WAPL: variants seen among roughly 807,000 people sequenced by gnomAD.
The protein encoded by WAPL is WAPL cohesin release factor.
WAPL carries 5 observed loss-of-function variants against 121.0 expected under a neutral mutation model. The ratio of observed to expected loss-of-function variants is 0.04; its 90% confidence interval spans 0.02 to 0.09. WAPL has a LOEUF of 0.09. Among genes scored for constraint, WAPL ranks in the 10% least tolerant of loss-of-function variants. WAPL has a pLI of 1.00. For synonymous variants in WAPL, 480 were observed against 481.5 expected, an observed-to-expected ratio of 1.00 and a Z score of 0.04; for missense variants, 999 against 1,410.8, an observed-to-expected ratio of 0.71 and a Z score of 4.68.
At chr10:86,459,629 C>T (rs923641918) in intron 11 of WAPL, among the ~76,000 whole-genome samples, 3 of 152,200 alleles carry the variant, frequency 2.0e-5, no homozygotes, top group Non-Finnish European at 4.4e-5. Flanking sequence ...AAAATATACT[C>T]GCTGCAGTTC....
At chr10:86,460,137 A>C (rs1179097200) in intron 11 of WAPL, among the ~76,000 whole-genome samples, 1 of 152,168 alleles carries the variant, frequency 6.6e-6, no homozygotes, top group Non-Finnish European at 1.5e-5. Flanking sequence ...AAAATAATAA[A>C]ATCTTTAAAA....
At chr10:86,501,378 T>A (rs1175780533) in intron 2 of WAPL, among the ~76,000 whole-genome samples, 1 of 152,256 alleles carries the variant, frequency 6.6e-6, no homozygotes, top group Non-Finnish European at 1.5e-5. Context: ...GCCTGCCTAT[T>A]CATCTGGTAT....
chr10:86,438,147 C>T (rs1849371034), intron 17 of WAPL, 132 bp from the exon 18 acceptor site: 1 of 587,562 alleles, frequency 1.7e-6, no homozygotes, highest in South Asian at 2.7e-5. Flanking sequence ...GTTATTTATT[C>T]TCTTTCCACA....
At chr10:86,452,605 C>CAA (rs1167144232) in intron 14 of WAPL, among the ~76,000 whole-genome samples, 1 of 151,238 alleles carries the variant, frequency 6.6e-6, no homozygotes, top group Non-Finnish European at 1.5e-5. Context: ...CAAAAACAAA[C>CAA]AAAAAAAGAA....
chr10:86,503,145 G>A (rs565563383), intron 2 of WAPL, among the ~76,000 whole-genome samples: 16 of 152,126 alleles, frequency 1.1e-4, no homozygotes, highest in South Asian at 2.1e-4. Flanking sequence ...GCAAAAGAGC[G>A]AGACTCTGTT....
chr10:86,438,576 A>G (rs1220259148), intron 17 of WAPL, among the ~76,000 whole-genome samples: 2 of 152,258 alleles, frequency 1.3e-5, no homozygotes, highest in African/African-American at 4.8e-5. Context: ...GCAAAGAAAA[A>G]GGCCTGAAAT....
intron 14 of WAPL, among the ~76,000 whole-genome samples, 175 bp downstream of exon 14, chr10:86,453,045 A>G (rs1841032059): frequency 3.6e-5 from 3 of 82,246 alleles, no homozygotes; most frequent in East Asian, 3.2e-4. Flanking sequence ...AAAAAAAAAA[A>G]AAAAAAAAAA....
intron 4 of WAPL, among the ~76,000 whole-genome samples, chr10:86,493,919 C>G (rs989279984): frequency 1.1e-4 from 16 of 152,200 alleles, no homozygotes; most frequent in Admixed American, 8.5e-4. Context: ...AGGAGAATCA[C>G]TTGCACCTGG....
rs559874389 is a variant in WAPL, at chr10:86,518,007, A to G, written c.63T>C (p.Asp21=). ...RKGGNGSSKF[D]EVFSNKRTTL... ...TAGTCCGTTTGTTGGAAAAGACTTC[A>G]TCGAATTTTGAACTGCCATTTCCAC... Residue 21 remains aspartate (D), a synonymous_variant, in exon 2 of 19, where the codon GAT becomes GAC. Coordinates refer to ENST00000298767, the MANE Select transcript of WAPL (RefSeq NM_015045.5). The G allele has an allele frequency of 2.2e-5, 36 of 1,614,058 alleles. No individual in the cohort carries two copies. Among genetic ancestry groups the G allele is most frequent in the Non-Finnish European group, 1.4e-5 (17 of 1,180,044 alleles).
At chr10:86,515,796 G>C (rs1842544182) in intron 2 of WAPL, among the ~76,000 whole-genome samples, 1 of 149,548 alleles carries the variant, frequency 6.7e-6, no homozygotes, top group African/African-American at 2.5e-5. Context: ...AAAAAAGTTT[G>C]ATGATTTTAA....
At chr10:86,519,124 T>C (rs1179299911) in intron 1 of WAPL, among the ~76,000 whole-genome samples, 1 of 133,082 alleles carries the variant, frequency 7.5e-6, no homozygotes, top group Admixed American at 7.5e-5. Context: ...ATTTATCTAC[T>C]TCACAGGACA....
At chr10:86,480,211 T>C (rs770462930) in intron 4 of WAPL, among the ~76,000 whole-genome samples, 2 of 152,188 alleles carry the variant, frequency 1.3e-5, no homozygotes, top group African/African-American at 2.4e-5. Flanking sequence ...ATACAACAGG[T>C]AGTAATGACT....
At chr10:86,477,120 T>C (rs1841675363) in intron 4 of WAPL, among the ~76,000 whole-genome samples, 1 of 152,202 alleles carries the variant, frequency 6.6e-6, no homozygotes, top group Non-Finnish European at 1.5e-5. Context: ...GGAGAGATAT[T>C]GAAGACACAT....
At position 86,521,729 on chromosome 10, in the gene WAPL, A is replaced by G. The variant is rs1842686482; in HGVS notation, c.-387T>C. 2 of 451,506 alleles carry G rather than the reference A, an allele frequency of 4.4e-6. No individual in the cohort carries two copies. Among genetic ancestry groups the G allele is most frequent in the East Asian group, 8.6e-5 (1 of 11,562 alleles). 28.0% of individuals were successfully genotyped at this position (451,506 alleles called of 1,614,324 possible). ...TGGAGTTTGAACAGGGCCCTGAACC[A>G]TCTCAACGCCATTTGCGCTCCCGGC... On this transcript the variant is annotated 5_prime_UTR_variant, in exon 1 of 19. An upstream start codon of the reference 5' UTR is lost. Coordinates refer to ENST00000298767, the MANE Select transcript of WAPL (RefSeq NM_015045.5).
At chr10:86,467,551 C>CA in intron 8 of WAPL, 45 bp from the exon 9 acceptor site, 1 of 1,367,278 alleles carries the variant, frequency 7.3e-7, no homozygotes, top group Non-Finnish European at 1.0e-6. Flanking sequence ...TTCATGTAAG[C>CA]AACTCCTGAC....
chr10:86,500,078 G>A lies in WAPL; in HGVS notation c.1165C>T (p.Pro389Ser), dbSNP rs35436708. Residue 389 changes from proline (P) to serine (S), a missense_variant, in exon 3 of 19, where the codon CCT (proline) becomes TCT (serine). Coordinates refer to ENST00000298767, the MANE Select transcript of WAPL (RefSeq NM_015045.5). ...RSMDEFTASTPADLGEAGRLR... is the reference protein window; with the variant it reads ...RSMDEFTASTSADLGEAGRLR... Reference sequence around the variant, plus strand: ...CGACCAGCTTCTCCCAAATCTGCAGGAGTGGATGCAGTGAACTCATCCATG... The same window carrying A: ...CGACCAGCTTCTCCCAAATCTGCAGAAGTGGATGCAGTGAACTCATCCATG... 9.4e-5 allele frequency: 152 copies of A among 1,613,992 alleles called. No individual in the cohort carries two copies. The highest frequency in any genetic ancestry group is 6.8e-5 in the Non-Finnish European group (80 of 1,180,042).
intron 9 of WAPL, among the ~76,000 whole-genome samples, chr10:86,463,599 T>G (rs1841335721): frequency 6.6e-6 from 1 of 152,224 alleles, no homozygotes; most frequent in Non-Finnish European, 1.5e-5. Context: ...AAGCTAAGTG[T>G]TATTAAAAAA....
At chr10:86,465,180 TTTTTGTC>T (rs1195154130) in intron 9 of WAPL, among the ~76,000 whole-genome samples, 1 of 152,156 alleles carries the variant, frequency 6.6e-6, no homozygotes, top group Non-Finnish European at 1.5e-5. Flanking sequence ...GGCTTTTGTT[TTTTTGTC>T]TTTTGTTTGT....
intron 8 of WAPL, 29 bp downstream of exon 8, chr10:86,470,963 C>A (rs1178213805): frequency 1.3e-6 from 2 of 1,585,992 alleles, no homozygotes; most frequent in Non-Finnish European, 1.7e-6. Context: ...CAACATAAGG[C>A]TTCTCAATCT....
Sources: gnomAD v4.1 joint callset for allele counts (sites outside exome capture counted in the v4.1 genomes callset) on GRCh38, gnomAD v4.1.1 for gene constraint, MANE v1.5 for transcripts, NCBI Gene and HGNC (gene_info 2026-07-23, HGNC 2026-07-21) for gene names.